Variants in DNAH10 observed in about 807,000 individuals in gnomAD.
The protein encoded by DNAH10 is axonemal beta dynein heavy chain 10.
A neutral mutation model predicts 506.6 loss-of-function variants in DNAH10; 348 were observed. The ratio of observed to expected loss-of-function variants is 0.69; its 90% CI spans 0.63 to 0.75. The LOEUF is 0.75. DNAH10 is among the 30% of genes least tolerant of loss of function. The pLI is 0.00. For missense variants in DNAH10, 5,179 were observed against 5,787.1 expected (o/e 0.89, Z 3.41); for synonymous variants, 2,059 against 2,198.6 (o/e 0.94, Z 1.78).
In DNAH10 at chr12:123,803,645, C is replaced by A; in HGVS notation, c.2615-16C>A. On this transcript the variant is annotated splice_polypyrimidine_tract_variant and intron_variant, in intron 16 of 78. Coordinates refer to ENST00000673944, the MANE Select transcript of DNAH10 (RefSeq NM_001372106.1). ...AGTTGGAAGCCAAATGTCTTTCTTTCTTTCTTTCTTCAAAGGTATCGGTGA... is the reference window on the plus strand; with the variant it reads ...AGTTGGAAGCCAAATGTCTTTCTTTATTTCTTTCTTCAAAGGTATCGGTGA... 6.6e-7 allele frequency: 1 copy of A among 1,522,864 alleles called. No homozygotes were observed. Among genetic ancestry groups the A allele is most frequent in the Non-Finnish European group, 8.8e-7 (1 of 1,138,940 alleles). 94.3% of individuals were successfully genotyped at this position (1,522,864 alleles called of 1,614,324 possible).
At chr12:123,779,038 T>G (rs1410625558) in intron 5 of DNAH10, among the ~76,000 whole-genome samples, 1 of 151,966 alleles carries the variant, frequency 6.6e-6, no homozygotes, top group Admixed American at 6.6e-5. Context: ...TAGCTGGGAC[T>G]AGAGAGAGGC....
In DNAH10 at chr12:123,851,611, T is replaced by G. The variant is rs149670203; in HGVS notation, c.6291+535T>G. Among the ~76,000 whole-genome samples the G allele has an allele frequency of 1.9e-4, 29 of 152,344 alleles. 1 individual carries two copies. The highest frequency in any genetic ancestry group is 6.7e-4 in the African/African-American group (28 of 41,584). On this transcript the variant is annotated intron_variant, in intron 35 of 78. Transcript: ENST00000673944. The stretch of plus-strand genomic sequence containing the variant: ...CAGTCCATTGCCCAAACCAGGGAGT[T>G]GGTGTTGGCACAAGTGCCATTAACT...
At chr12:123,803,519 C>A in intron 16 of DNAH10, 142 bp from the exon 17 acceptor site, 1 of 788,090 alleles carries the variant, frequency 1.3e-6, no homozygotes, top group Non-Finnish European at 1.9e-6. Flanking sequence ...TGGATCTTTG[C>A]CAGCCCAAAG....
intron 11 of DNAH10, among the ~76,000 whole-genome samples, chr12:123,791,502 A>G (rs1594035737): frequency 1.3e-5 from 2 of 152,236 alleles, no homozygotes; most frequent in East Asian, 1.9e-4. Flanking sequence ...CATGTTAACT[A>G]TATCTAATTT....
chr12:123,847,974 A>G lies in DNAH10; in HGVS notation c.5828A>G (p.Tyr1943Cys), dbSNP rs1295136739. The G allele has an allele frequency of 6.2e-7, 1 of 1,612,934 alleles. No individual in the cohort carries two copies. Among genetic ancestry groups the G allele is most frequent in the South Asian group, 1.1e-5 (1 of 91,030 alleles). The change falls in exon 33 of 79, where the codon TAT becomes TGT. Residue 1943 changes from tyrosine to cysteine, a missense_variant. This residue lies in a region of DNAH10 where 4,844 missense variants were observed against 5,430.5 expected (regional missense o/e 0.89). Transcript: ENST00000673944. ...GGCTTATAACAGGCGCTGTCCATGT[A>G]TCTAGGTGGGGCCCCCGCCGGCCCA... ...YLTLTQALSM[Y>C]LGGAPAGPAG... is the part of the protein sequence containing the mutation.
chr12:123,881,539 T>C (rs758617267), intron 50 of DNAH10, 86 bp from the exon 51 acceptor site: 3 of 1,304,406 alleles, frequency 2.3e-6, no homozygotes, highest in Middle Eastern at 1.9e-4. Context: ...TCTTTGTAGA[T>C]TCTGGATATT....
intron 69 of DNAH10, chr12:123,927,861 C>T (rs1955015583): frequency 6.4e-6 from 1 of 155,172 alleles, no homozygotes; most frequent in Non-Finnish European, 1.4e-5. Context: ...AACCACAACA[C>T]TGAAATAAGC....
At chr12:123,824,524 T>C (rs879904570) in intron 24 of DNAH10, among the ~76,000 whole-genome samples, 2 of 152,102 alleles carry the variant, frequency 1.3e-5, no homozygotes, top group Non-Finnish European at 2.9e-5. Context: ...CAAATGATTA[T>C]GAATACATGG....
chr12:123,908,445 C>T (rs1428913150), intron 57 of DNAH10: 1 of 456,284 alleles, frequency 2.2e-6, no homozygotes, highest in South Asian at 1.5e-5. Flanking sequence ...CTTTTCCTTC[C>T]TCTCCTGCTT....
In DNAH10 at chr12:123,916,826, A is replaced by C; in HGVS notation, c.11002+90A>C. The C allele has an allele frequency of 1.4e-6, 2 of 1,445,966 alleles. No homozygotes were observed. The highest frequency in any genetic ancestry group is 1.8e-6 in the Non-Finnish European group (2 of 1,082,806). 89.6% of individuals were successfully genotyped at this position (1,445,966 alleles called of 1,614,324 possible). On this transcript the variant is annotated intron_variant, in intron 63 of 78. Transcript: ENST00000673944. This position sits in a 1 kb window ranked among gnomAD's most constrained non-coding sequence, Gnocchi z 4.6. Reference sequence around the variant, plus strand: ...CAAGGCATTCATGGGACATCATTTCACTCAGTGACCCCAGATCATTCTCTC... The same window carrying C: ...CAAGGCATTCATGGGACATCATTTCCCTCAGTGACCCCAGATCATTCTCTC...
At position 123,813,536 on chromosome 12, in the gene DNAH10, G is replaced by T. The variant is rs1179299421; in HGVS notation, c.3517G>T (p.Ala1173Ser). 6.2e-7 allele frequency: 1 copy of T among 1,614,174 alleles called. No individual in the cohort carries two copies. The highest frequency in any genetic ancestry group is 8.5e-7 in the Non-Finnish European group (1 of 1,180,026). ...CATCAGACTTCAGCTCAGGCATCTGGCAAACACAGTGCAGGAAAATGCCAA... is the reference window on the plus strand; with the variant it reads ...CATCAGACTTCAGCTCAGGCATCTGTCAAACACAGTGCAGGAAAATGCCAA... ...HCIRLQLRHL[A>S]NTVQENAKSW... is the part of the protein sequence containing the mutation. Residue 1173 changes from alanine to serine, a missense_variant, in exon 20 of 79, where the codon GCA (alanine) becomes TCA (serine). Ala to Ser is a moderately conservative substitution (Grantham distance 99). Transcript: ENST00000673944.
At chr12:123,920,489 G>T (rs1182224626) in intron 65 of DNAH10, among the ~76,000 whole-genome samples, 2 of 152,190 alleles carry the variant, frequency 1.3e-5, no homozygotes, top group African/African-American at 4.8e-5. Context: ...AACTTTTTTA[G>T]CAAAAACAGG....
At chr12:123,832,582 G>A (rs1045405577) in intron 26 of DNAH10, among the ~76,000 whole-genome samples, 3 of 151,782 alleles carry the variant, frequency 2.0e-5, no homozygotes, top group African/African-American at 7.3e-5. Flanking sequence ...GGCTCAAGCA[G>A]TCTGCTCACC....
At chr12:123,875,609 G>A (rs993141968) in intron 47 of DNAH10, 118 bp downstream of exon 47, 3 of 1,235,092 alleles carry the variant, frequency 2.4e-6, no homozygotes, top group Non-Finnish European at 3.4e-6. Flanking sequence ...ACTTTTAAGG[G>A]CCTATGAAAA....
chr12:123,860,046 G>T (rs1410322405), intron 38 of DNAH10, among the ~76,000 whole-genome samples: 2 of 149,538 alleles, frequency 1.3e-5, no homozygotes, highest in Non-Finnish European at 3.0e-5. Flanking sequence ...AAAAAAAAAA[G>T]GAGAGTATGT....
chr12:123,881,243 T>C (rs1471220227), intron 50 of DNAH10, among the ~76,000 whole-genome samples: 1 of 152,240 alleles, frequency 6.6e-6, no homozygotes, highest in African/African-American at 2.4e-5. Context: ...TCCACAATGG[T>C]TGAACTAGTT....
rs1007597031 is a variant in DNAH10, at chr12:123,818,520, C to T, written c.3781-430C>T. On this transcript the variant is annotated intron_variant, in intron 21 of 78. Transcript: ENST00000673944. ...TGTATTTTTAGTAGAGAAGGGATTT[C>T]ACCATGTTGTCCAGGCTGGTCTCGA... Among the ~76,000 whole-genome samples the T allele has an allele frequency of 1.9e-4, 29 of 152,222 alleles. 1 individual carries two copies. Among genetic ancestry groups the T allele is most frequent in the African/African-American group, 6.7e-4 (28 of 41,554 alleles).
At chr12:123,856,312 A>ATG (rs934954251) in intron 36 of DNAH10, among the ~76,000 whole-genome samples, 57 of 149,058 alleles carry the variant, frequency 3.8e-4, no homozygotes, top group South Asian at 8.4e-4. Context: ...GTGTATATAT[A>ATG]TGTGTGTGTG....
intron 43 of DNAH10, among the ~76,000 whole-genome samples, chr12:123,869,577 GAAC>G (rs1311713794): frequency 6.6e-6 from 1 of 152,136 alleles, no homozygotes; most frequent in East Asian, 1.9e-4. Context: ...GCTTCAACAG[GAAC>G]AACGGAAGCT....
Sources: gnomAD v4.1 joint callset for allele counts (sites outside exome capture counted in the v4.1 genomes callset) on GRCh38, gnomAD v4.1.1 for gene constraint, gnomAD v4.1.1 regional missense constraint, Gnocchi (gnomAD v3.1) non-coding constraint, MANE v1.5 for transcripts, NCBI Gene and HGNC (gene_info 2026-07-23, HGNC 2026-07-21) for gene names.